The following PDE4D variants were observed in gnomAD, a reference collection of about 807,000 sequenced individuals.
PDE4D encodes the protein phosphodiesterase 4D, also known as 3',5'-cyclic-AMP phosphodiesterase 4D.
Under a neutral mutation model 87.4 loss-of-function variants are expected in PDE4D, and 24 were observed. The observed-to-expected ratio is 0.27, with a 90% CI of 0.20 to 0.39. The LOEUF (loss-of-function observed/expected upper bound fraction) is 0.39, where lower values mean the gene tolerates loss of function less well. PDE4D is among the 10% of genes least tolerant of loss of function. The pLI is 1.00. For missense variants in PDE4D, 714 were observed against 1,041.0 expected (o/e 0.69, Z 4.32); for synonymous variants, 384 against 383.2 (o/e 1.00, Z -0.02).
chr5:59,430,295 GTCTCC>G (rs1186792768), intron 1 of PDE4D: 11 of 1,230,996 alleles, frequency 8.9e-6, no homozygotes, highest in Non-Finnish European at 1.1e-5. Flanking sequence ...AGCAGTTACC[GTCTCC>G]TCTGTGGCTT....
chr5:59,574,111 TATATATAA>T (rs1561241465), intron 1 of PDE4D, among the ~76,000 whole-genome samples: 1,173 of 111,604 alleles, frequency 0.011, 16 homozygotes, highest in East Asian at 0.019. Flanking sequence ...TATTTATATA[TATATATAA>T]ATATATATTT....
chr5:59,871,873 T>A (rs977735141), intron 1 of PDE4D, among the ~76,000 whole-genome samples: 8 of 152,174 alleles, frequency 5.3e-5, no homozygotes, highest in Non-Finnish European at 1.5e-5. Context: ...CTGCCCCTCA[T>A]CCCTTCTAAC....
chr5:59,197,560 T>A (rs1745739368), intron 2 of PDE4D, among the ~76,000 whole-genome samples: 1 of 152,186 alleles, frequency 6.6e-6, no homozygotes, highest in African/African-American at 2.4e-5. Context: ...TTTGTCTAAG[T>A]CCTCAACTCA....
intron 1 of PDE4D, among the ~76,000 whole-genome samples, chr5:59,729,586 T>C (rs1192411487): frequency 6.6e-6 from 1 of 152,070 alleles, no homozygotes; most frequent in Non-Finnish European, 1.5e-5. Flanking sequence ...ATGAGGTCTG[T>C]AGTTTTACTA....
chr5:59,990,516 G>A (rs1366306462), intron 2 of PDE4D, among the ~76,000 whole-genome samples: 1 of 143,744 alleles, frequency 7.0e-6, no homozygotes, highest in Non-Finnish European at 1.5e-5. Context: ...ACGACAGAAG[G>A]GTACTGAGAA....
intron 3 of PDE4D, among the ~76,000 whole-genome samples, chr5:59,966,537 T>C (rs1486589415): frequency 6.6e-6 from 1 of 152,154 alleles, no homozygotes; most frequent in Non-Finnish European, 1.5e-5. Context: ...CATAGACAAC[T>C]TTATTTTGTG....
intron 5 of PDE4D, among the ~76,000 whole-genome samples, chr5:59,050,617 A>G (rs894082829): frequency 1.3e-5 from 2 of 152,234 alleles, no homozygotes; most frequent in African/African-American, 4.8e-5. Context: ...TTTGGCTAAG[A>G]AAGTTATTAT....
chr5:60,317,759 C>A (rs1263324425), intron 1 of PDE4D, among the ~76,000 whole-genome samples: 3 of 152,194 alleles, frequency 2.0e-5, no homozygotes, highest in Non-Finnish European at 4.4e-5. Context: ...ATTAGTCATT[C>A]AGGAGCAGGT....
rs2152756319 is a variant in PDE4D, at chr5:59,893,362, CGGCGGCGGGGGCGGCGGCAGGGGG to C, written c.237_260del (p.Leu81_Pro88del). 1 of 1,256,436 alleles carries C rather than the reference CGGCGGCGGGGGCGGCGGCAGGGGG, an allele frequency of 8.0e-7. No individual in the cohort carries two copies. Among genetic ancestry groups the C allele is most frequent in the Admixed American group, 4.3e-5 (1 of 23,344 alleles). 77.8% of individuals were successfully genotyped at this position (1,256,436 alleles called of 1,614,324 possible). A position where few individuals can be genotyped will look rare whatever the true frequency, so the allele number is the denominator to read the frequency against. On this transcript the variant is annotated inframe_deletion, in exon 1 of 15. Transcript: ENST00000340635. ...CGTAGCGGCCGCGGGCAGCCCCGGGCGGCGGCGGGGGCGGCGGCAGGGGGGGCGGCGGCGGCGGCTGTAGCGGAC... is the reference window on the plus strand; with the variant it reads ...CGTAGCGGCCGCGGGCAGCCCCGGGCGGCGGCGGCGGCGGCTGTAGCGGAC...
intron 1 of PDE4D, among the ~76,000 whole-genome samples, chr5:59,218,933 C>G (rs1751850883): frequency 6.7e-6 from 1 of 150,122 alleles, no homozygotes; most frequent in African/African-American, 2.5e-5. Flanking sequence ...TCTCAGTAAA[C>G]TATCGCAAGA....
At chr5:59,373,804 GA>G (rs1329065446) in intron 1 of PDE4D, among the ~76,000 whole-genome samples, 1 of 152,086 alleles carries the variant, frequency 6.6e-6, no homozygotes, top group Non-Finnish European at 1.5e-5. Context: ...CCTACAAAAG[GA>G]AGCCCATCAG....
chr5:59,386,642 CAAGAAAGA>C (rs138229777), intron 1 of PDE4D, among the ~76,000 whole-genome samples: 1 of 108,732 alleles, frequency 9.2e-6, no homozygotes, highest in Non-Finnish European at 1.7e-5. Flanking sequence ...AGGACCTTGT[CAAGAAAGA>C]AAGAAAGAAA....
At chr5:59,342,833 C>T (rs1464560950) in intron 1 of PDE4D, among the ~76,000 whole-genome samples, 2 of 152,082 alleles carry the variant, frequency 1.3e-5, no homozygotes, top group African/African-American at 4.8e-5. Flanking sequence ...ACATTGCATA[C>T]ATTTATAGTG....
chr5:60,204,259 T>C (rs1417116264), intron 1 of PDE4D, among the ~76,000 whole-genome samples: 1 of 152,184 alleles, frequency 6.6e-6, no homozygotes, highest in African/African-American at 2.4e-5. Context: ...TCTCTATCTC[T>C]CTGTCATCTA....
intron 1 of PDE4D, among the ~76,000 whole-genome samples, chr5:59,433,338 C>T (rs550100212): frequency 4.6e-5 from 7 of 151,984 alleles, no homozygotes; most frequent in Non-Finnish European, 1.0e-4. Context: ...TTACCAAAAG[C>T]CTGGCAGGGG....
chr5:60,513,121 A>T (rs545153483), intron 1 of PDE4D, among the ~76,000 whole-genome samples: 1 of 152,346 alleles, frequency 6.6e-6, no homozygotes, highest in Admixed American at 6.5e-5. Context: ...CACAAATATA[A>T]TAATTACATA....
chr5:59,552,395 C>A (rs2153688305), intron 1 of PDE4D, among the ~76,000 whole-genome samples: 1 of 152,202 alleles, frequency 6.6e-6, no homozygotes, highest in South Asian at 2.1e-4. Context: ...ACCCACATAG[C>A]TATAAAGTCA....
At chr5:59,179,571 A>G (rs941868947) in intron 5 of PDE4D, 2 of 376,166 alleles carry the variant, frequency 5.3e-6, no homozygotes, top group Non-Finnish European at 1.0e-5. Flanking sequence ...GACATTCAGA[A>G]AAGATGACAT....
intron 2 of PDE4D, among the ~76,000 whole-genome samples, chr5:60,130,717 G>A (rs1779490716): frequency 6.6e-6 from 1 of 152,178 alleles, no homozygotes; most frequent in African/African-American, 2.4e-5. Context: ...TGGGGAAAGA[G>A]TATTAGTAAA....
Sources: gnomAD v4.1 joint callset for allele counts (sites outside exome capture counted in the v4.1 genomes callset) on GRCh38, gnomAD v4.1.1 for gene constraint, MANE v1.5 for transcripts, NCBI Gene and HGNC (gene_info 2026-07-23, HGNC 2026-07-21) for gene names.